Variants in ZNF230 observed in about 807,000 individuals in gnomAD.
ZNF230 encodes the protein zinc finger protein FDZF2.
Under a neutral mutation model 10.0 loss-of-function variants are expected in ZNF230, and 12 were observed. The ratio of observed to expected loss-of-function variants is 1.20; its 90% confidence interval spans 0.77 to 1.95. ZNF230 has a LOEUF of 1.95. Ranked by LOEUF, ZNF230 falls within the 30% of genes most tolerant of loss-of-function variation. ZNF230 has a pLI of 0.00. For missense variants in ZNF230, 532 were observed against 565.8 expected (o/e 0.94, Z 0.61); for synonymous variants, 174 against 193.6 (o/e 0.90, Z 0.84).
chr19:44,012,331 G>T lies in ZNF230; in HGVS notation c.*867G>T. ...CAAAGGGGCAAAACATTAAAAAGAG[G>T]CATATGGTAAGCACTTCAGTGTGTG... On this transcript the variant is annotated 3_prime_UTR_variant, in exon 5 of 5. Coordinates refer to ENST00000429154, the MANE Select transcript of ZNF230 (RefSeq NM_006300.4). The T allele has an allele frequency of 2.0e-6, 1 of 506,156 alleles. No homozygotes were observed. Among genetic ancestry groups the T allele is most frequent in the Non-Finnish European group, 3.9e-6 (1 of 254,024 alleles). 31.4% of individuals were successfully genotyped at this position (506,156 alleles called of 1,614,324 possible). A position where few individuals can be genotyped will look rare whatever the true frequency, so the allele number is the denominator to read the frequency against.
Position 44,011,273 on chromosome 19 carries a change from A to G in ZNF230, c.1234A>G (p.Lys412Glu). The change falls in exon 5 of 5, where the codon AAA (lysine) becomes GAA (glutamate). Residue 412 changes from lysine (K) to glutamate (E), a missense_variant. Transcript: ENST00000429154. ...GGCTTCAAGTATTTTGAATCATAAG[A>G]AACTCCACTGCCGGAAAAAACCCTT... is the stretch of plus-strand genomic sequence containing the variant. ...SRASSILNHKKLHCRKKPFKC... is the reference protein window; with the variant it reads ...SRASSILNHKELHCRKKPFKC... 1 of 1,614,136 alleles carries G rather than the reference A, an allele frequency of 6.2e-7. No homozygotes were observed. Among genetic ancestry groups the G allele is most frequent in the Non-Finnish European group, 8.5e-7 (1 of 1,180,018 alleles).
At position 44,010,442 on chromosome 19, in the gene ZNF230, A is replaced by T; in HGVS notation, c.403A>T (p.Thr135Ser). 6.2e-7 allele frequency: 1 copy of T among 1,614,274 alleles called. No individual in the cohort carries two copies. The highest frequency in any genetic ancestry group is 1.1e-5 in the South Asian group (1 of 91,090). ...QVEAGLSIIH[T>S]GQKPSQNGKC... is the part of the protein sequence containing the mutation. ...TGAGGCAGGACTATCTATAATTCAT[A>T]CAGGACAGAAACCTTCACAGAATGG... The change falls in exon 5 of 5, where the codon ACA (threonine) becomes TCA (serine). Residue 135 changes from threonine (T) to serine (S), a missense_variant. Transcript: ENST00000429154.
intron 1 of ZNF230, among the ~76,000 whole-genome samples, chr19:44,006,060 T>A (rs1034824824): frequency 5.3e-5 from 8 of 151,860 alleles, no homozygotes; most frequent in African/African-American, 1.9e-4. Flanking sequence ...GTTTTTTTTT[T>A]AATAGGAAAG....
intron 1 of ZNF230, among the ~76,000 whole-genome samples, chr19:44,006,432 A>G (rs902315571): frequency 6.6e-6 from 1 of 152,238 alleles, no homozygotes; most frequent in African/African-American, 2.4e-5. Context: ...ATTCAGTCTT[A>G]TGAAGGTAAA....
At position 44,012,763 on chromosome 19, in the gene ZNF230, A is replaced by G. The variant is rs2147428658; in HGVS notation, c.*1299A>G. ...TATTTTAAAATTGCATCTAGGAGAG[A>G]AAATCTACAAAAAATAATTCAGGGA... On this transcript the variant is annotated 3_prime_UTR_variant, in exon 5 of 5. Transcript: ENST00000429154. 5.0e-6 allele frequency: 1 copy of G among 200,254 alleles called. No individual in the cohort carries two copies. Among genetic ancestry groups the G allele is most frequent in the South Asian group, 7.3e-5 (1 of 13,758 alleles). 12.4% of individuals were successfully genotyped at this position (200,254 alleles called of 1,614,324 possible). A position where few individuals can be genotyped will look rare whatever the true frequency, so the allele number is the denominator to read the frequency against.
At chr19:44,009,005 A>G (rs1976147454) in intron 3 of ZNF230, 79 bp from the exon 4 acceptor site, 4 of 1,604,130 alleles carry the variant, frequency 2.5e-6, no homozygotes, top group Non-Finnish European at 3.4e-6. Context: ...TGCAGTGGGA[A>G]CTTAAATTTC....
Position 44,008,824 on chromosome 19 carries a change from T to G in ZNF230, c.50T>G (p.Phe17Cys), listed in dbSNP as rs1976145266. ...ACCTTCAAGGATGTGGCTGTGTTCT[T>G]CACTGAGGAGGAACTGGGGCTACTG... ...AVTFKDVAVFFTEEELGLLDP... is the reference protein window; with the variant it reads ...AVTFKDVAVFCTEEELGLLDP... The change falls in exon 3 of 5, where the codon TTC (phenylalanine) becomes TGC (cysteine). Residue 17 changes from phenylalanine (F) to cysteine (C), a missense_variant. By Grantham distance (205) the Phe-to-Cys change is radical. Coordinates refer to ENST00000429154, the MANE Select transcript of ZNF230 (RefSeq NM_006300.4). The G allele has an allele frequency of 6.2e-7, 1 of 1,613,950 alleles. No homozygotes were observed. The highest frequency in any genetic ancestry group is 8.5e-7 in the Non-Finnish European group (1 of 1,179,978).
At chr19:44,008,642 G>A in intron 2 of ZNF230, 148 bp from the exon 3 acceptor site, 2 of 1,003,014 alleles carry the variant, frequency 2.0e-6, no homozygotes, top group Non-Finnish European at 2.9e-6. Context: ...TTCTGGTGGA[G>A]CTCAGGAAAA....
intron 1 of ZNF230, among the ~76,000 whole-genome samples, chr19:44,005,376 G>A (rs1473040207): frequency 6.6e-6 from 1 of 152,140 alleles, no homozygotes; most frequent in African/African-American, 2.4e-5. Flanking sequence ...AATGTGGGGT[G>A]TGTTGGTAAG....
Position 44,011,192 on chromosome 19 carries a change from G to C in ZNF230, c.1153G>C (p.Val385Leu). The C allele has an allele frequency of 6.2e-7, 1 of 1,613,994 alleles. No homozygotes were observed. The highest frequency in any genetic ancestry group is 8.5e-7 in the Non-Finnish European group (1 of 1,179,942). ...SKSGLNLHQRVHTGERPYNCK... is the reference protein window; with the variant it reads ...SKSGLNLHQRLHTGERPYNCK... ...GTCAGGTCTTAACTTGCACCAGAGG[G>C]TCCATACTGGAGAGAGACCTTATAA... The change falls in exon 5 of 5, where the codon GTC becomes CTC. Residue 385 changes from valine (V) to leucine (L), a missense_variant. Coordinates refer to ENST00000429154, the MANE Select transcript of ZNF230 (RefSeq NM_006300.4).
At position 44,011,076 on chromosome 19, in the gene ZNF230, G is replaced by C; in HGVS notation, c.1037G>C (p.Arg346Thr). 1 of 1,614,212 alleles carries C rather than the reference G, an allele frequency of 6.2e-7. No homozygotes were observed. Among genetic ancestry groups the C allele is most frequent in the Non-Finnish European group, 8.5e-7 (1 of 1,180,030 alleles). The change falls in exon 5 of 5, where the codon AGA becomes ACA. Residue 346 changes from arginine to threonine, a missense_variant. Coordinates refer to ENST00000429154, the MANE Select transcript of ZNF230 (RefSeq NM_006300.4). Reference sequence around the variant, plus strand: ...TGTAAAGAATGTGGGAAGAGCTTCAGATGGTCCTCATATCTTTTGATCCAT... The same window carrying C: ...TGTAAAGAATGTGGGAAGAGCTTCACATGGTCCTCATATCTTTTGATCCAT... Reference protein sequence around the residue: ...YNCKECGKSFRWSSYLLIHQR... With the variant: ...YNCKECGKSFTWSSYLLIHQR...
chr19:44,011,579 G>A lies in ZNF230; in HGVS notation c.*115G>A. ...AAACAATTAACATTTCTTTGTTTTGGGAAAATTCAAAATCCATTGTTCTAG... is the reference window on the plus strand; with the variant it reads ...AAACAATTAACATTTCTTTGTTTTGAGAAAATTCAAAATCCATTGTTCTAG... On this transcript the variant is annotated 3_prime_UTR_variant, in exon 5 of 5. Coordinates refer to ENST00000429154, the MANE Select transcript of ZNF230 (RefSeq NM_006300.4). The A allele has an allele frequency of 1.5e-5, 17 of 1,159,502 alleles. No homozygotes were observed. Among genetic ancestry groups the A allele is most frequent in the South Asian group, 6.5e-5 (4 of 61,470 alleles). 71.8% of individuals were successfully genotyped at this position (1,159,502 alleles called of 1,614,324 possible). A position where few individuals can be genotyped will look rare whatever the true frequency, so the allele number is the denominator to read the frequency against.
intron 4 of ZNF230, among the ~76,000 whole-genome samples, chr19:44,009,876 A>G (rs1976158245): frequency 6.6e-6 from 1 of 152,250 alleles, no homozygotes; most frequent in Non-Finnish European, 1.5e-5. Context: ...AAGGATATAC[A>G]ACATAAACAC....
chr19:44,011,793 C>CT lies in ZNF230; in HGVS notation c.*335dup. On this transcript the variant is annotated 3_prime_UTR_variant, in exon 5 of 5. Transcript: ENST00000429154. ...TTACTCACTAATTCTATGAAATCAACTTTTTTAGCTTCCATATGTGTGTGA... is the reference window on the plus strand; with the variant it reads ...TTACTCACTAATTCTATGAAATCAACTTTTTTTAGCTTCCATATGTGTGTGA... 1 of 235,334 alleles carries CT rather than the reference C, an allele frequency of 4.2e-6. No individual in the cohort carries two copies. The highest frequency in any genetic ancestry group is 8.4e-6 in the Non-Finnish European group (1 of 118,918). 14.6% of individuals were successfully genotyped at this position (235,334 alleles called of 1,614,324 possible). A position where few individuals can be genotyped will look rare whatever the true frequency, so the allele number is the denominator to read the frequency against.
In ZNF230 at chr19:44,010,328, G is replaced by A. The variant is rs763896484; in HGVS notation, c.289G>A (p.Glu97Lys). The A allele has an allele frequency of 6.2e-7, 1 of 1,614,080 alleles. No individual in the cohort carries two copies. Among genetic ancestry groups the A allele is most frequent in the South Asian group, 1.1e-5 (1 of 91,062 alleles). The change falls in exon 5 of 5, where the codon GAA becomes AAA. Residue 97 changes from glutamate to lysine, a missense_variant. Physicochemically the swap from Glu to Lys is moderately conservative, Grantham distance 56. Coordinates refer to ENST00000429154, the MANE Select transcript of ZNF230 (RefSeq NM_006300.4). The stretch of plus-strand genomic sequence containing the variant: ...AGACTGCCCTTGCCAGCAAATCTGG[G>A]AACAAACTGCAAGTGACTTAACCCA... The part of the protein sequence containing the change: ...HEDCPCQQIW[E>K]QTASDLTQSQ...
chr19:44,011,049 A>C lies in ZNF230; in HGVS notation c.1010A>C (p.Asn337Thr). 6.2e-7 allele frequency: 1 copy of C among 1,614,232 alleles called. No individual in the cohort carries two copies. Among genetic ancestry groups the C allele is most frequent in the Non-Finnish European group, 8.5e-7 (1 of 1,180,034 alleles). ...ATTCACACAGGACAGAAACCGTACA[A>C]TTGTAAAGAATGTGGGAAGAGCTTC... ...QIIHTGQKPY[N>T]CKECGKSFRW... is the part of the protein sequence containing the mutation. Residue 337 changes from asparagine (N) to threonine (T), a missense_variant, in exon 5 of 5, where the codon AAT becomes ACT. Asn to Thr is a moderately conservative substitution (Grantham distance 65). Coordinates refer to ENST00000429154, the MANE Select transcript of ZNF230 (RefSeq NM_006300.4).
chr19:44,012,063 TACTGATTTC>T lies in ZNF230; in HGVS notation c.*600_*608del. 1 of 206,354 alleles carries T rather than the reference TACTGATTTC, an allele frequency of 4.8e-6. No individual in the cohort carries two copies. The highest frequency in any genetic ancestry group is 9.8e-6 in the Non-Finnish European group (1 of 101,644). The allele number at this position is 206,354 out of a possible 1,614,324, so 12.8% of individuals were successfully genotyped here. ...TGGTAGTGTAGATATCTGATCCACATACTGATTTCCTTTGCTTTGGATATACTCAATAGT... is the reference window on the plus strand; with the variant it reads ...TGGTAGTGTAGATATCTGATCCACATCTTTGCTTTGGATATACTCAATAGT... On this transcript the variant is annotated 3_prime_UTR_variant, in exon 5 of 5. Coordinates refer to ENST00000429154, the MANE Select transcript of ZNF230 (RefSeq NM_006300.4).
Position 44,007,232 on chromosome 19 carries a change from C to T in ZNF230, c.15+139C>T, listed in dbSNP as rs1195373267. ...TGTGTGCCAGTTGCTTCCTTTGTCTCTTTTGTGTTGACTTTGCATTTGGTT... is the reference window on the plus strand; with the variant it reads ...TGTGTGCCAGTTGCTTCCTTTGTCTTTTTTGTGTTGACTTTGCATTTGGTT... On this transcript the variant is annotated intron_variant, in intron 2 of 4. Coordinates refer to ENST00000429154, the MANE Select transcript of ZNF230 (RefSeq NM_006300.4). 9.4e-6 allele frequency: 7 copies of T among 742,590 alleles called. No homozygotes were observed. In the East Asian group the frequency reaches 2.1e-4, roughly 22 times the overall value. 46.0% of individuals were successfully genotyped at this position (742,590 alleles called of 1,614,324 possible). A position where few individuals can be genotyped will look rare whatever the true frequency, so the allele number is the denominator to read the frequency against.
Position 44,007,094 on chromosome 19 carries a change from G to A in ZNF230, c.15+1G>A, listed in dbSNP as rs1423841188. 3 of 1,605,210 alleles carry A rather than the reference G, an allele frequency of 1.9e-6. No individual in the cohort carries two copies. The highest frequency in any genetic ancestry group is 2.6e-6 in the Non-Finnish European group (3 of 1,172,942). ...AGTAGGAAAAATGACCACATTCAAG[G>A]TGAGTAGAGCTCACCTCTCTTGCTA... is the stretch of plus-strand genomic sequence containing the variant. On this transcript the variant is annotated splice_donor_variant, in intron 2 of 4. Coordinates refer to ENST00000429154, the MANE Select transcript of ZNF230 (RefSeq NM_006300.4). LOFTEE classifies it high-confidence loss of function.
Sources: gnomAD v4.1 joint callset for allele counts (sites outside exome capture counted in the v4.1 genomes callset) on GRCh38, gnomAD v4.1.1 for gene constraint, MANE v1.5 for transcripts, NCBI Gene and HGNC (gene_info 2026-07-23, HGNC 2026-07-21) for gene names.